The following PTPRK variants were observed in gnomAD, a reference collection of about 807,000 sequenced individuals.
PTPRK encodes the protein protein tyrosine phosphatase receptor type K.
PTPRK carries 75 observed loss-of-function variants against 178.0 expected under a neutral mutation model. The ratio of observed to expected loss-of-function variants is 0.42; its 90% confidence interval spans 0.35 to 0.51. The LOEUF (loss-of-function observed/expected upper bound fraction) is 0.51, where lower values mean the gene tolerates loss of function less well. PTPRK is among the 20% of genes least tolerant of loss of function. The probability of loss-of-function intolerance (pLI) is 0.02; values close to 1 mark genes in which losing one functional copy is unlikely to be tolerated. For synonymous variants in PTPRK, 637 were observed against 620.6 expected (o/e 1.03, Z -0.39); for missense variants, 1,441 against 1,797.8 (o/e 0.80, Z 3.59).
intron 13 of PTPRK, among the ~76,000 whole-genome samples, chr6:128,011,321 C>A (rs1032474182): frequency 6.6e-6 from 1 of 150,952 alleles, no homozygotes; most frequent in African/African-American, 2.4e-5. Flanking sequence ...GATAATGATC[C>A]CTTAGTGATT....
At chr6:128,209,266 T>C (rs1269184785) in intron 6 of PTPRK, among the ~76,000 whole-genome samples, 1 of 152,082 alleles carries the variant, frequency 6.6e-6, no homozygotes, top group Non-Finnish European at 1.5e-5. Flanking sequence ...ACACAATGCA[T>C]TTATATTTCT....
At chr6:128,219,685 G>A (rs1210926079) in intron 5 of PTPRK, among the ~76,000 whole-genome samples, 1 of 152,208 alleles carries the variant, frequency 6.6e-6, no homozygotes, top group East Asian at 1.9e-4. Flanking sequence ...TGAATTAACA[G>A]GAGAGTTAAT....
rs1168589737 is a variant in PTPRK at position 127,977,058 on chromosome 6, T to A, written c.3712-4A>T. The A allele has an allele frequency of 6.2e-7, 1 of 1,613,474 alleles. No homozygotes were observed. Among genetic ancestry groups the A allele is most frequent in the Non-Finnish European group, 8.5e-7 (1 of 1,179,492 alleles). On this transcript the variant is annotated splice_region_variant and splice_polypyrimidine_tract_variant and intron_variant, in intron 25 of 29. Transcript: ENST00000368226. ...AAGCAGCTGGTTGCCTGTAGCTCTG[T>A]GAAGAAACAAGGTAGATGGAGAAAT... is the stretch of plus-strand genomic sequence containing the variant.
intron 2 of PTPRK, among the ~76,000 whole-genome samples, chr6:128,329,385 AC>A (rs1829985101): frequency 8.0e-6 from 1 of 124,616 alleles, no homozygotes; most frequent in Non-Finnish European, 1.7e-5. Context: ...ATAGATAAAC[AC>A]ACACACACAC....
At chr6:128,125,942 G>GA (rs1368625834) in intron 7 of PTPRK, among the ~76,000 whole-genome samples, 6 of 151,978 alleles carry the variant, frequency 3.9e-5, no homozygotes, top group African/African-American at 1.4e-4. Flanking sequence ...TATATTATTT[G>GA]AATCATACAA....
chr6:128,106,520 A>G (rs1789744332), intron 7 of PTPRK, among the ~76,000 whole-genome samples: 1 of 152,084 alleles, frequency 6.6e-6, no homozygotes, highest in African/African-American at 2.4e-5. Context: ...AAAACAACTA[A>G]CTTGAAAAAA....
chr6:128,358,245 A>G (rs1364717281), intron 2 of PTPRK, among the ~76,000 whole-genome samples: 2 of 152,210 alleles, frequency 1.3e-5, no homozygotes, highest in Non-Finnish European at 2.9e-5. Context: ...TTGGCCCTGA[A>G]GGAGAGGGCA....
intron 8 of PTPRK, among the ~76,000 whole-genome samples, chr6:128,085,548 T>C (rs1785628750): frequency 1.3e-5 from 2 of 152,238 alleles, no homozygotes; most frequent in Admixed American, 6.5e-5. Context: ...AATAACTGCC[T>C]ATGTTTACCT....
At chr6:128,437,020 C>A (rs1845687017) in intron 1 of PTPRK, among the ~76,000 whole-genome samples, 1 of 152,096 alleles carries the variant, frequency 6.6e-6, no homozygotes, top group African/African-American at 2.4e-5. Context: ...AGTATTCCTA[C>A]CATCAGAGGC....
chr6:128,222,330 G>T (rs1231395056), intron 5 of PTPRK, among the ~76,000 whole-genome samples: 1 of 152,072 alleles, frequency 6.6e-6, no homozygotes, highest in Non-Finnish European at 1.5e-5. Flanking sequence ...CCTCTTTCAG[G>T]GACAGCTACC....
intron 1 of PTPRK, chr6:128,409,351 T>C (rs548494323): frequency 4.4e-6 from 2 of 454,550 alleles, no homozygotes; most frequent in South Asian, 3.1e-5. Context: ...AAAATCAGAA[T>C]GCAAAATAGA....
intron 13 of PTPRK, among the ~76,000 whole-genome samples, chr6:128,015,718 C>T (rs895448842): frequency 3.3e-5 from 5 of 151,656 alleles, no homozygotes; most frequent in Non-Finnish European, 7.4e-5. Context: ...CATTAAAATC[C>T]TTTCACCATT....
intron 1 of PTPRK, among the ~76,000 whole-genome samples, chr6:128,403,183 G>C (rs1841242563): frequency 6.6e-6 from 1 of 152,172 alleles, no homozygotes; most frequent in Non-Finnish European, 1.5e-5. Context: ...TATTTAGCTA[G>C]TAAGACTTCT....
At chr6:128,430,194 T>G (rs1844651303) in intron 1 of PTPRK, among the ~76,000 whole-genome samples, 2 of 152,156 alleles carry the variant, frequency 1.3e-5, no homozygotes, top group African/African-American at 2.4e-5. Flanking sequence ...ACCATGGAAA[T>G]TCAAACTCTC....
chr6:128,315,826 C>T (rs1195977616), intron 3 of PTPRK, among the ~76,000 whole-genome samples: 6 of 152,238 alleles, frequency 3.9e-5, no homozygotes, highest in South Asian at 2.1e-4. Context: ...AAAACGTATT[C>T]GTTTTTGTTT....
chr6:128,515,052 T>G (rs889687685), intron 1 of PTPRK, among the ~76,000 whole-genome samples: 1 of 152,238 alleles, frequency 6.6e-6, no homozygotes, highest in East Asian at 1.9e-4. Flanking sequence ...GTGTGAAGTT[T>G]ACAAACTATT....
intron 2 of PTPRK, 127 bp from the exon 3 acceptor site, chr6:128,322,437 G>T: frequency 1.1e-6 from 1 of 882,948 alleles, no homozygotes; most frequent in Non-Finnish European, 1.7e-6. Flanking sequence ...CCAGAACACA[G>T]CCACAGAAAT....
intron 2 of PTPRK, among the ~76,000 whole-genome samples, chr6:128,340,456 T>C (rs73589540): frequency 0.013 from 2,050 of 152,312 alleles, 46 homozygotes; most frequent in African/African-American, 0.047. Context: ...CAAGAAAGCA[T>C]GCTCTGTTAA....
chr6:128,044,648 ATT>A (rs5879875), intron 13 of PTPRK, among the ~76,000 whole-genome samples: 19 of 150,898 alleles, frequency 1.3e-4, no homozygotes, highest in East Asian at 3.9e-4. Flanking sequence ...AGACAGGCTA[ATT>A]TTTTTTTTTC....
Sources: gnomAD v4.1 joint callset for allele counts (sites outside exome capture counted in the v4.1 genomes callset) on GRCh38, gnomAD v4.1.1 for gene constraint, MANE v1.5 for transcripts, NCBI Gene and HGNC (gene_info 2026-07-23, HGNC 2026-07-21) for gene names.